Variants in SLC12A6 observed in about 807,000 individuals in gnomAD.
The protein encoded by SLC12A6 is K-Cl cotransporter 3.
A neutral mutation model predicts 135.3 loss-of-function variants in SLC12A6; 66 were observed. That is an observed-to-expected ratio of 0.49 (90% CI 0.40 to 0.60). SLC12A6 has a LOEUF of 0.60. Among genes scored for constraint, SLC12A6 ranks in the 20% least tolerant of loss-of-function variants. The pLI, the probability that SLC12A6 is intolerant of heterozygous loss-of-function variation, is 0.00. For missense variants in SLC12A6, 1,058 were observed against 1,452.3 expected (o/e 0.73, Z 4.41); for synonymous variants, 513 against 508.8 (o/e 1.01, Z -0.11).
intron 2 of SLC12A6, among the ~76,000 whole-genome samples, chr15:34,277,395 C>T (rs968915149): frequency 2.6e-5 from 4 of 152,104 alleles, no homozygotes; most frequent in Non-Finnish European, 5.9e-5. Flanking sequence ...ATGATGATGC[C>T]ACTGCACTCC....
intron 2 of SLC12A6, among the ~76,000 whole-genome samples, chr15:34,294,528 T>G (rs1039655236): frequency 6.6e-6 from 1 of 152,118 alleles, no homozygotes; most frequent in African/African-American, 2.4e-5. Context: ...GTAATGGGAT[T>G]ACAGTTGTGA....
In SLC12A6 at chr15:34,332,963, C is replaced by T. The variant is rs578156122; in HGVS notation, c.271+3447G>A. Among the ~76,000 whole-genome samples the T allele has an allele frequency of 8.5e-5, 13 of 152,158 alleles. No homozygotes were observed. The East Asian group carries it at 2.3e-3, about 27-fold the overall frequency. ...GGCCTGAACTTCAGTCTTGGCTTTG[C>T]CACTTTGTGATCTACAAATAACCAT... On this transcript the variant is annotated intron_variant, in intron 2 of 25. Transcript: ENST00000354181.
rs928370333 is a variant in SLC12A6 at position 34,242,155 on chromosome 15, G to A, written c.2109C>T (p.Ala703=). Residue 703 remains alanine, a synonymous_variant, in exon 17 of 26, where the codon GCC becomes GCT. Transcript: ENST00000354181. ...ALMFISSWYY[A]IVAMVIAGMI... is the part of the protein sequence containing the mutation. ...TACCAGCTATTACCATGGCTACAAT[G>A]GCATAATACCAGGAAGAAATGAACA... The A allele has an allele frequency of 1.3e-5, 21 of 1,586,422 alleles. No homozygotes were observed. The highest frequency in any genetic ancestry group is 2.7e-5 in the African/African-American group (2 of 74,232).
rs147712898 is a variant in SLC12A6, at chr15:34,230,031, G to T, written c.*3850C>A. On this transcript the variant is annotated 3_prime_UTR_variant, in exon 26 of 26. Transcript: ENST00000354181. ...GTAGAAAACTTTATTTTTGTTTCCA[G>T]TACAGAGCAAAACAACAACAAAAAA... The T allele has an allele frequency of 2.4e-4, 121 of 501,332 alleles. No homozygotes were observed. The highest frequency in any genetic ancestry group is 3.6e-4 in the Non-Finnish European group (103 of 285,140). The allele number at this position is 501,332 out of a possible 1,614,324, so 31.1% of individuals were successfully genotyped here. A position where few individuals can be genotyped will look rare whatever the true frequency, so the allele number is the denominator to read the frequency against.
chr15:34,267,799 T>A (rs1595465691), intron 3 of SLC12A6, among the ~76,000 whole-genome samples: 1 of 152,218 alleles, frequency 6.6e-6, no homozygotes, highest in Admixed American at 6.5e-5. Context: ...TCTCTCTGGC[T>A]GCTTTCAAGA....
At chr15:34,234,048 T>C in intron 25 of SLC12A6, 76 bp from the exon 26 acceptor site, 1 of 804,568 alleles carries the variant, frequency 1.2e-6, no homozygotes, top group South Asian at 1.3e-5. Flanking sequence ...TCTGAGGTTA[T>C]CTGATCATAG....
At chr15:34,289,297 G>A (rs1895346317) in intron 2 of SLC12A6, among the ~76,000 whole-genome samples, 1 of 152,148 alleles carries the variant, frequency 6.6e-6, no homozygotes, top group Non-Finnish European at 1.5e-5. Context: ...TTATTGATTT[G>A]CTATGTTGAA....
chr15:34,325,381 T>TA (rs1889392967), intron 2 of SLC12A6, among the ~76,000 whole-genome samples: 1 of 152,216 alleles, frequency 6.6e-6, no homozygotes, highest in Non-Finnish European at 1.5e-5. Context: ...ATGCATCAAT[T>TA]ACTTTGGTAA....
intron 20 of SLC12A6, 74 bp downstream of exon 20, chr15:34,238,891 G>C: frequency 7.8e-7 from 1 of 1,278,476 alleles, no homozygotes; most frequent in South Asian, 1.2e-5. Context: ...TACTTTAGGA[G>C]GCTGGGGGTG....
At position 34,256,178 on chromosome 15, in the gene SLC12A6, AAC is replaced by A. The variant is rs767248360; in HGVS notation, c.745+49_745+50del. On this transcript the variant is annotated intron_variant, in intron 7 of 25. Transcript: ENST00000354181. ...TTTGCACCTCTAGCTTTATAGCATAAACACAGAGTCAACACTGATAAATCCTG... is the reference window on the plus strand; with the variant it reads ...TTTGCACCTCTAGCTTTATAGCATAAACAGAGTCAACACTGATAAATCCTG... 1.2e-5 allele frequency: 14 copies of A among 1,170,296 alleles called. No homozygotes were observed. In the South Asian group the frequency reaches 1.6e-4, roughly 13 times the overall value. The allele number at this position is 1,170,296 out of a possible 1,614,324, so 72.5% of individuals were successfully genotyped here.
intron 2 of SLC12A6, among the ~76,000 whole-genome samples, chr15:34,315,703 C>T (rs547926161): frequency 2.3e-4 from 35 of 152,178 alleles, no homozygotes; most frequent in Middle Eastern, 6.8e-3. Context: ...ATTCATGTGA[C>T]GGCCAGGCGC....
At chr15:34,304,085 C>T (rs891994861) in intron 2 of SLC12A6, among the ~76,000 whole-genome samples, 2 of 152,324 alleles carry the variant, frequency 1.3e-5, no homozygotes, top group Non-Finnish European at 2.9e-5. Flanking sequence ...CTCCCCAACC[C>T]TATCCAGACT....
intron 2 of SLC12A6, among the ~76,000 whole-genome samples, chr15:34,306,448 T>C (rs1324245817): frequency 1.3e-5 from 2 of 152,246 alleles, no homozygotes; most frequent in African/African-American, 4.8e-5. Context: ...GGATTTGCCA[T>C]TCTTATGCTT....
intron 2 of SLC12A6, among the ~76,000 whole-genome samples, chr15:34,286,075 T>A (rs931486767): frequency 3.3e-5 from 5 of 151,868 alleles, no homozygotes; most frequent in Non-Finnish European, 7.4e-5. Context: ...TTTATTGCTT[T>A]TTTTTTTCTT....
At chr15:34,241,743 G>GT (rs1398265391) in intron 17 of SLC12A6, among the ~76,000 whole-genome samples, 1 of 152,222 alleles carries the variant, frequency 6.6e-6, no homozygotes, top group African/African-American at 2.4e-5. Context: ...TTTGAAAGCT[G>GT]TAAGTCTTAG....
chr15:34,304,120 C>T (rs347847), intron 2 of SLC12A6, among the ~76,000 whole-genome samples: 59,858 of 151,982 alleles, frequency 0.39, 14,785 homozygotes, highest in African/African-American at 0.71. Flanking sequence ...CTAACTTCTG[C>T]CTCTATAAAT....
chr15:34,325,432 T>C (rs759323887), intron 2 of SLC12A6, among the ~76,000 whole-genome samples: 5 of 152,316 alleles, frequency 3.3e-5, no homozygotes, highest in Middle Eastern at 3.4e-3. Context: ...ACAGCTTAAG[T>C]CTTTTAAATC....
In SLC12A6 at chr15:34,307,249, A is replaced by T. The variant is rs147511174; in HGVS notation, c.271+29161T>A. Among the ~76,000 whole-genome samples the T allele has an allele frequency of 4.3e-3, 653 of 152,356 alleles. 4 individuals are homozygous for T. The highest frequency in any genetic ancestry group is 7.9e-3 in the Non-Finnish European group (537 of 68,030). On this transcript the variant is annotated intron_variant, in intron 2 of 25. Transcript: ENST00000354181. ...GGATTGACATCCCTAAATATAAAGCATATCTAAAAAATAAAGAAGAATACC... is the reference window on the plus strand; with the variant it reads ...GGATTGACATCCCTAAATATAAAGCTTATCTAAAAAATAAAGAAGAATACC...
intron 15 of SLC12A6, among the ~76,000 whole-genome samples, chr15:34,245,035 A>C (rs1192685046): frequency 6.6e-6 from 1 of 152,262 alleles, no homozygotes. Flanking sequence ...TGGTGGTAAA[A>C]GCTACAACCA....
Sources: gnomAD v4.1 joint callset for allele counts (sites outside exome capture counted in the v4.1 genomes callset) on GRCh38, gnomAD v4.1.1 for gene constraint, MANE v1.5 for transcripts, NCBI Gene and HGNC (gene_info 2026-07-23, HGNC 2026-07-21) for gene names.